Variants in TAOK2 observed in about 807,000 individuals in gnomAD.
The protein encoded by TAOK2 is serine/threonine-protein kinase TAO2.
Under a neutral mutation model 122.5 loss-of-function variants are expected in TAOK2, and 42 were observed. The observed-to-expected ratio is 0.34, with a 90% confidence interval of 0.27 to 0.44. The LOEUF is 0.44. Among genes scored for constraint, TAOK2 ranks in the 20% least tolerant of loss-of-function variants. The pLI, the probability that TAOK2 is intolerant of heterozygous loss-of-function variation, is 1.00. For missense variants in TAOK2, 1,264 were observed against 1,644.9 expected, an observed-to-expected ratio of 0.77 and a Z score of 4.01; for synonymous variants, 704 against 677.6, an observed-to-expected ratio of 1.04 and a Z score of -0.61.
intron 13 of TAOK2, among the ~76,000 whole-genome samples, chr16:29,984,767 G>A (rs1484950641): frequency 6.6e-6 from 1 of 152,144 alleles, no homozygotes; most frequent in African/African-American, 2.4e-5. Context: ...TGCTGAAGGG[G>A]AAGGAAGCCA....
intron 4 of TAOK2, 64 bp downstream of exon 4, chr16:29,978,417 C>T (rs1035263237): frequency 2.4e-5 from 37 of 1,540,970 alleles, no homozygotes; most frequent in Middle Eastern, 1.7e-4. Flanking sequence ...TATCGTAGTC[C>T]AGTCTCTTAG....
Position 29,981,745 on chromosome 16 carries a change from C to T in TAOK2, c.740C>T (p.Ser247Leu). The T allele has an allele frequency of 6.2e-7, 1 of 1,614,170 alleles. No individual in the cohort carries two copies. The highest frequency in any genetic ancestry group is 8.5e-7 in the Non-Finnish European group (1 of 1,180,008). ...CAGAACGAATCCCCCGTGCTCCAGT[C>T]AGGACACTGGTGAGGACTGAGATTC... ...IAQNESPVLQ[S>L]GHWSEYFRNF... The change falls in exon 9 of 16, where the codon TCA becomes TTA. Residue 247 changes from serine to leucine, a missense_variant. This residue lies in a region of TAOK2 where 254 missense variants were observed against 503.8 expected (regional missense o/e 0.50). Transcript: ENST00000308893.
intron 8 of TAOK2, chr16:29,981,216 C>T (rs1249139004): frequency 3.3e-6 from 1 of 306,422 alleles, no homozygotes; most frequent in East Asian, 6.1e-5. Flanking sequence ...CAGCCACTTC[C>T]CTGTTTCCCT....
downstream of TAOK2, chr16:29,991,720 G>A (rs113627530): frequency 9.4e-7 from 1 of 1,069,410 alleles, no homozygotes; most frequent in Non-Finnish European, 1.2e-6. The surrounding 1 kb of genome is among the most constrained non-coding windows in gnomAD (Gnocchi z 5.6). Context: ...AGCTTCTTGG[G>A]GCTGGCCAGT....
At chr16:29,991,674 T>A, downstream of TAOK2, 4 of 1,328,926 alleles carry the variant, frequency 3.0e-6, no homozygotes, top group Non-Finnish European at 3.9e-6. This position sits in a 1 kb window ranked among gnomAD's most constrained non-coding sequence, Gnocchi z 5.6. Flanking sequence ...GGACAAGATG[T>A]AGGCTCCAGC....
At position 29,978,341 on chromosome 16, in the gene TAOK2, G is replaced by A; in HGVS notation, c.294G>A (p.Glu98=). 6.2e-7 allele frequency: 1 copy of A among 1,614,158 alleles called. No homozygotes were observed. The highest frequency in any genetic ancestry group is 8.5e-7 in the Non-Finnish European group (1 of 1,180,016). Residue 98 remains glutamate (E), a synonymous_variant, in exon 4 of 16, where the codon GAG becomes GAA. Transcript: ENST00000308893. ...TIQYRGCYLR[E]HTAWLVMEYC... ...AGTACCGGGGCTGTTACCTGAGGGA[G>A]CACACGGCTTGGGTGAGCTGGTGCC...
chr16:29,986,239 C>G lies in TAOK2; in HGVS notation c.1993-26C>G. 1.3e-6 allele frequency: 2 copies of G among 1,508,178 alleles called. No individual in the cohort carries two copies. Among genetic ancestry groups the G allele is most frequent in the South Asian group, 2.7e-5 (2 of 73,836 alleles). The allele number at this position is 1,508,178 out of a possible 1,614,324, so 93.4% of individuals were successfully genotyped here. A position where few individuals can be genotyped will look rare whatever the true frequency, so the allele number is the denominator to read the frequency against. On this transcript the variant is annotated intron_variant, in intron 15 of 15. Coordinates refer to ENST00000308893, the MANE Select transcript of TAOK2 (RefSeq NM_016151.4). The surrounding 1 kb of genome is among the most constrained non-coding windows in gnomAD (Gnocchi z 4.2). ...CACTTCCTTGATACTGACCAGGCCC[C>G]GGGCCCTGCATTTCTTCTGCCTCAG...
rs932707774 is a variant in TAOK2 at position 29,985,614 on chromosome 16, G to GA, written c.1788+37dup. 6.2e-7 allele frequency: 1 copy of GA among 1,603,888 alleles called. No homozygotes were observed. Among genetic ancestry groups the GA allele is most frequent in the Admixed American group, 1.7e-5 (1 of 59,622 alleles). On this transcript the variant is annotated intron_variant, in intron 14 of 15. Coordinates refer to ENST00000308893, the MANE Select transcript of TAOK2 (RefSeq NM_016151.4). This position sits in a 1 kb window ranked among gnomAD's most constrained non-coding sequence, Gnocchi z 6.9. ...GCTGCTTGGGGGCGGAGCCGATGGC[G>GA]AGCCAGGTGGGTCCTGACCCTGCTT...
Position 29,983,162 on chromosome 16 carries a change from C to G in TAOK2, c.1090C>G (p.Gln364Glu). 6.2e-7 allele frequency: 1 copy of G among 1,614,022 alleles called. No homozygotes were observed. Among genetic ancestry groups the G allele is most frequent in the Non-Finnish European group, 8.5e-7 (1 of 1,180,022 alleles). The part of the protein sequence containing the change: ...VPSMSISASS[Q>E]SSSVNSLADA... ...CAGCATGTCCATCAGCGCCTCCAGC[C>G]AGAGCAGCTCCGTCAACAGCCTAGC... The change falls in exon 12 of 16, where the codon CAG (glutamine) becomes GAG (glutamate). Residue 364 changes from glutamine (Q) to glutamate (E), a missense_variant. By Grantham distance (29) the Gln-to-Glu change is conservative (BLOSUM62 2). Transcript: ENST00000308893.
At chr16:29,976,759 G>A (rs554249266) in intron 1 of TAOK2, among the ~76,000 whole-genome samples, 13 of 152,332 alleles carry the variant, frequency 8.5e-5, no homozygotes, top group East Asian at 7.7e-4. Flanking sequence ...AGGCCTAACC[G>A]GGGAGCCGAA....
Position 29,977,736 on chromosome 16 carries a change from A to G in TAOK2, c.-35-2A>G, listed in dbSNP as rs1448289307. 7 of 1,610,566 alleles carry G rather than the reference A, an allele frequency of 4.3e-6. No individual in the cohort carries two copies. Among genetic ancestry groups the G allele is most frequent in the Admixed American group, 1.7e-5 (1 of 59,122 alleles). On this transcript the variant is annotated splice_acceptor_variant, in intron 1 of 15. Transcript: ENST00000308893. LOFTEE classifies it low-confidence loss of function (5UTR_SPLICE). ...TCTAAGGGTCCCATTTCCATTCCTCAGGCCAGGCCCCACTCTCAGGGCCCC... is the reference window on the plus strand; with the variant it reads ...TCTAAGGGTCCCATTTCCATTCCTCGGGCCAGGCCCCACTCTCAGGGCCCC...
In TAOK2 at chr16:29,987,183, C is replaced by T. The variant is rs747027622; in HGVS notation, c.2911C>T (p.Leu971=). 1.4e-5 allele frequency: 22 copies of T among 1,556,234 alleles called. No individual in the cohort carries two copies. The highest frequency in any genetic ancestry group is 1.7e-5 in the Non-Finnish European group (20 of 1,156,366). ...SSSGLLPLLL[L]LLLPLLAAQG... The stretch of plus-strand genomic sequence containing the variant: ...CTCTGGCCTCCTGCCCCTCCTGCTG[C>T]TGCTGCTGCTTCCATTGCTGGCAGC... The change falls in exon 16 of 16, where the codon CTG becomes TTG. Residue 971 remains leucine, a synonymous_variant. Transcript: ENST00000308893.
In TAOK2 at chr16:29,979,180, C is replaced by T. The variant is rs756331599; in HGVS notation, c.450-15C>T. On this transcript the variant is annotated splice_polypyrimidine_tract_variant and intron_variant, in intron 6 of 15. Coordinates refer to ENST00000308893, the MANE Select transcript of TAOK2 (RefSeq NM_016151.4). The surrounding 1 kb of genome is among the most constrained non-coding windows in gnomAD (Gnocchi z 4.1). ...TTGAGACACATGTCTCATCCCTGTA[C>T]TTTGCCTCTGGCAGGGATGTGAAGG... is the stretch of plus-strand genomic sequence containing the variant. The T allele has an allele frequency of 1.1e-5, 18 of 1,613,870 alleles. No homozygotes were observed. Among genetic ancestry groups the T allele is most frequent in the Non-Finnish European group, 1.5e-5 (18 of 1,179,842 alleles).
At chr16:29,978,405 C>T (rs768638364) in intron 4 of TAOK2, 52 bp downstream of exon 4, 2 of 1,565,296 alleles carry the variant, frequency 1.3e-6, no homozygotes, top group Non-Finnish European at 1.8e-6. Context: ...CATGCCCGTC[C>T]TTATCGTAGT....
At chr16:29,990,531 G>A (rs1354933454), downstream of TAOK2, 2 of 331,024 alleles carry the variant, frequency 6.0e-6, no homozygotes, top group Non-Finnish European at 1.1e-5. Flanking sequence ...TCCCTTATTG[G>A]TGGACATTTA....
At chr16:29,991,699 C>T, downstream of TAOK2, 1 of 1,187,294 alleles carries the variant, frequency 8.4e-7, no homozygotes, top group Non-Finnish European at 1.1e-6. The surrounding 1 kb of genome is among the most constrained non-coding windows in gnomAD (Gnocchi z 5.6). Context: ...CTCAGACCTC[C>T]TCATCTCATG....
At position 29,985,140 on chromosome 16, in the gene TAOK2, C is replaced by A. The variant is rs1195667720; in HGVS notation, c.1423-73C>A. On this transcript the variant is annotated intron_variant, in intron 13 of 15. Coordinates refer to ENST00000308893, the MANE Select transcript of TAOK2 (RefSeq NM_016151.4). The surrounding 1 kb of genome is among the most constrained non-coding windows in gnomAD (Gnocchi z 6.9). ...TGAGTTGAAAACCCATGCTCTTCCC[C>A]ACGGAAGACCCCTTGTGTTAATTAA... The A allele has an allele frequency of 2.1e-6, 3 of 1,436,018 alleles. No homozygotes were observed. The highest frequency in any genetic ancestry group is 2.7e-6 in the Non-Finnish European group (3 of 1,092,516). 89.0% of individuals were successfully genotyped at this position (1,436,018 alleles called of 1,614,324 possible).
In TAOK2 at chr16:29,983,116, C is replaced by G. The variant is rs752702244; in HGVS notation, c.1044C>G (p.Leu348=). ...YMHRAGTLTS[L]ESSHSVPSMS... is the part of the protein sequence containing the mutation. Reference sequence around the variant, plus strand: ...ACCGGGCCGGGACTCTGACCAGCCTCGAGAGTAGCCACTCAGTGCCCAGCA... The same window carrying G: ...ACCGGGCCGGGACTCTGACCAGCCTGGAGAGTAGCCACTCAGTGCCCAGCA... The change falls in exon 12 of 16, where the codon CTC becomes CTG. Residue 348 remains leucine (L), a synonymous_variant. Coordinates refer to ENST00000308893, the MANE Select transcript of TAOK2 (RefSeq NM_016151.4). 3.1e-6 allele frequency: 5 copies of G among 1,613,960 alleles called. No homozygotes were observed. In the East Asian group the frequency reaches 6.7e-5, roughly 22 times the overall value.
At position 29,985,696 on chromosome 16, in the gene TAOK2, G is replaced by C; in HGVS notation, c.1827G>C (p.Lys609Asn). 1.9e-6 allele frequency: 3 copies of C among 1,608,716 alleles called. No individual in the cohort carries two copies. Among genetic ancestry groups the C allele is most frequent in the Non-Finnish European group, 2.5e-6 (3 of 1,177,930 alleles). Residue 609 changes from lysine to asparagine, a missense_variant, in exon 15 of 16, where the codon AAG (lysine) becomes AAC (asparagine). By Grantham distance (94) the Lys-to-Asn change is moderately conservative. This residue lies in a region of TAOK2 where 824 missense variants were observed against 908.7 expected (regional missense o/e 0.91). Coordinates refer to ENST00000308893, the MANE Select transcript of TAOK2 (RefSeq NM_016151.4). The surrounding 1 kb of genome is among the most constrained non-coding windows in gnomAD (Gnocchi z 6.9). ...QENPSTPKRE[K>N]AEWLLRQKEQ... ...ACCCCAGCACTCCCAAGCGGGAGAA[G>C]GCCGAGTGGCTGCTGCGGCAGAAGG...
Sources: gnomAD v4.1 joint callset for allele counts (sites outside exome capture counted in the v4.1 genomes callset) on GRCh38, gnomAD v4.1.1 for gene constraint, gnomAD v4.1.1 regional missense constraint, Gnocchi (gnomAD v3.1) non-coding constraint, MANE v1.5 for transcripts, NCBI Gene and HGNC (gene_info 2026-07-23, HGNC 2026-07-21) for gene names.